The following DNAH2 variants were observed in gnomAD, a reference collection of about 807,000 sequenced individuals.
The protein encoded by DNAH2 is axonemal beta dynein heavy chain 2.
A neutral mutation model predicts 523.5 loss-of-function variants in DNAH2; 323 were observed. The observed-to-expected ratio is 0.62, with a 90% CI of 0.56 to 0.68. The LOEUF is 0.68. Ranked by LOEUF, DNAH2 falls within the 30% of genes least tolerant of loss-of-function variation. The pLI is 0.00. For missense variants in DNAH2, 4,907 were observed against 5,701.5 expected (o/e 0.86, Z 4.49); for synonymous variants, 2,093 against 2,177.4 (o/e 0.96, Z 1.08).
At chr17:7,770,167 T>C (rs1206630610) in intron 24 of DNAH2, 85 bp from the exon 25 acceptor site, 7 of 1,477,346 alleles carry the variant, frequency 4.7e-6, no homozygotes, top group East Asian at 2.3e-5. Context: ...TTGGTAACTA[T>C]GCAGAATCAT....
intron 12 of DNAH2, among the ~76,000 whole-genome samples, chr17:7,756,661 T>C (rs1026649222): frequency 9.2e-5 from 14 of 152,036 alleles, no homozygotes; most frequent in African/African-American, 3.1e-4. Context: ...TGGGATATTT[T>C]CTATTATTTC....
In DNAH2 at chr17:7,792,005, A is replaced by G. The variant is rs758323084; in HGVS notation, c.6989A>G (p.Asp2330Gly). ...ATCTGGTCTGTGTGTGCCTCTGTGG[A>G]TGAGGAGGGCCGGAAGAGGATCGAC... ...SMIWSVCASV[D>G]EEGRKRIDSY... The change falls in exon 45 of 86, where the codon GAT becomes GGT. Residue 2330 changes from aspartate to glycine, a missense_variant. Transcript: ENST00000572933. 12 of 1,613,362 alleles carry G rather than the reference A, an allele frequency of 7.4e-6. No homozygotes were observed. Among genetic ancestry groups the G allele is most frequent in the Non-Finnish European group, 1.0e-5 (12 of 1,179,936 alleles).
rs772167636 is a variant in DNAH2, at chr17:7,740,917, G to A, written c.1614G>A (p.Glu538=). Residue 538 remains glutamate, a synonymous_variant, in exon 11 of 86, where the codon GAG becomes GAA. Coordinates refer to ENST00000572933, the MANE Select transcript of DNAH2 (RefSeq NM_020877.5). ...GGAACAAGAAATGGCCAGACCTGGAGCCCTACGTGGCCCAGTATTCCGGAA... is the reference window on the plus strand; with the variant it reads ...GGAACAAGAAATGGCCAGACCTGGAACCCTACGTGGCCCAGTATTCCGGAA... ...RERNKKWPDL[E]PYVAQYSGKA... 1.9e-6 allele frequency: 3 copies of A among 1,613,782 alleles called. No individual in the cohort carries two copies. In the South Asian group the frequency reaches 3.3e-5, roughly 18 times the overall value.
chr17:7,809,940 C>G (rs1245786623), intron 63 of DNAH2, among the ~76,000 whole-genome samples: 1 of 151,838 alleles, frequency 6.6e-6, no homozygotes, highest in Non-Finnish European at 1.5e-5. Context: ...ATTCCCATCT[C>G]AGTCTTACAA....
At position 7,780,145 on chromosome 17, in the gene DNAH2, A is replaced by G. The variant is rs2076563738; in HGVS notation, c.5723-12A>G. The G allele has an allele frequency of 6.2e-7, 1 of 1,602,334 alleles. No individual in the cohort carries two copies. The highest frequency in any genetic ancestry group is 8.5e-7 in the Non-Finnish European group (1 of 1,175,316). On this transcript the variant is annotated splice_polypyrimidine_tract_variant and intron_variant, in intron 36 of 85. Transcript: ENST00000572933. The surrounding 1 kb of genome is among the most constrained non-coding windows in gnomAD (Gnocchi z 4.4). ...AAATATATGATTCTAAGCAAGTGGCATTGTTTTCCAGGCTATGCTGGCCGC... is the reference window on the plus strand; with the variant it reads ...AAATATATGATTCTAAGCAAGTGGCGTTGTTTTCCAGGCTATGCTGGCCGC...
chr17:7,743,539 G>T (rs1567629273), intron 12 of DNAH2: 2 of 595,962 alleles, frequency 3.4e-6, no homozygotes, highest in African/African-American at 1.9e-5. Context: ...GGTGGCACAA[G>T]CCTGTAGTCT....
At chr17:7,775,908 C>T in intron 30 of DNAH2, 116 bp from the exon 31 acceptor site, 1 of 1,389,752 alleles carries the variant, frequency 7.2e-7, no homozygotes, top group Non-Finnish European at 9.7e-7. Context: ...GTTGGCCATT[C>T]CCGCTTTTCT....
intron 12 of DNAH2, among the ~76,000 whole-genome samples, chr17:7,746,054 A>G (rs2075510062): frequency 6.6e-6 from 1 of 152,234 alleles, no homozygotes; most frequent in Non-Finnish European, 1.5e-5. Context: ...ACTCACGCAA[A>G]GGTCCTCACA....
At chr17:7,770,439 C>G (rs766741291) in intron 25 of DNAH2, 31 bp downstream of exon 25, 13 of 1,611,208 alleles carry the variant, frequency 8.1e-6, no homozygotes, top group South Asian at 6.6e-5. Context: ...GCTCCCACAC[C>G]TCCTGCGCCT....
In DNAH2 at chr17:7,821,553, C is replaced by T. The variant is rs2077855646; in HGVS notation, c.11142+184C>T. ...GGCTGCGGAGGTGACTTGCCATGCA[C>T]CCCCTTGCACTCAGCGCAGGCTGGG... is the stretch of plus-strand genomic sequence containing the variant. On this transcript the variant is annotated intron_variant, in intron 73 of 85. Coordinates refer to ENST00000572933, the MANE Select transcript of DNAH2 (RefSeq NM_020877.5). The surrounding 1 kb of genome is among the most constrained non-coding windows in gnomAD (Gnocchi z 5.0). 6.6e-6 allele frequency among the ~76,000 whole-genome samples: 1 copy of T among 152,142 alleles called. No individual in the cohort carries two copies. The highest frequency in any genetic ancestry group is 1.5e-5 in the Non-Finnish European group (1 of 68,032).
chr17:7,759,166 C>T lies in DNAH2; in HGVS notation c.2448+42C>T, dbSNP rs757648073. 6.2e-6 allele frequency: 10 copies of T among 1,608,654 alleles called. No homozygotes were observed. In the African/African-American group the frequency reaches 9.4e-5, roughly 15 times the overall value. ...CAGGATGTTGTGGTTGGAAAAACCA[C>T]AGTCCCCCAGTTCCATCAGGCCATT... On this transcript the variant is annotated intron_variant, in intron 15 of 85. Coordinates refer to ENST00000572933, the MANE Select transcript of DNAH2 (RefSeq NM_020877.5).
At chr17:7,727,351 T>C in intron 4 of DNAH2, 59 bp downstream of exon 4, 3 of 1,560,330 alleles carry the variant, frequency 1.9e-6, no homozygotes, top group Non-Finnish European at 2.6e-6. Context: ...GGGCTCTCAG[T>C]TCCTTCATCA....
Position 7,821,302 on chromosome 17 carries a change from C to T in DNAH2, c.11075C>T (p.Ala3692Val), listed in dbSNP as rs1182828120. Residue 3692 changes from alanine (A) to valine (V), a missense_variant, in exon 73 of 86, where the codon GCC becomes GTC. Around this residue, in one of 3 missense-constraint regions of DNAH2, gnomAD observed 1,851 missense variants for 2,139.4 expected, o/e 0.87. Transcript: ENST00000572933. This position sits in a 1 kb window ranked among gnomAD's most constrained non-coding sequence, Gnocchi z 5.0. Reference sequence around the variant, plus strand: ...CTACTATTCAGTTTTCATATGTGTGCCAAAATCTTGGAGACTTCTGGCAAG... The same window carrying T: ...CTACTATTCAGTTTTCATATGTGTGTCAAAATCTTGGAGACTTCTGGCAAG... ...HKLLFSFHMC[A>V]KILETSGKLN... 6.2e-7 allele frequency: 1 copy of T among 1,613,850 alleles called. No homozygotes were observed. The highest frequency in any genetic ancestry group is 8.5e-7 in the Non-Finnish European group (1 of 1,179,926).
intron 2 of DNAH2, among the ~76,000 whole-genome samples, chr17:7,721,401 T>C (rs979349351): frequency 2.0e-5 from 3 of 152,164 alleles, no homozygotes; most frequent in Non-Finnish European, 4.4e-5. Flanking sequence ...CTCGAACTCC[T>C]GTCCTCGAGT....
intron 12 of DNAH2, chr17:7,743,404 A>G (rs1209836987): frequency 1.4e-6 from 1 of 696,022 alleles, no homozygotes; most frequent in Non-Finnish European, 2.6e-6. Flanking sequence ...GGTGGCTCAC[A>G]CCTGTAATCC....
rs765551577 is a variant in DNAH2, at chr17:7,818,988, G to A, written c.10740G>A (p.Lys3580=). 2 of 1,611,618 alleles carry A rather than the reference G, an allele frequency of 1.2e-6. No homozygotes were observed. Among genetic ancestry groups the A allele is most frequent in the Non-Finnish European group, 1.7e-6 (2 of 1,179,976 alleles). ...TGGTGAACACGCTGCATACCTCCAA[G>A]ATCACAGCCACAGAGGTGACTGAGC... ...VQLVNTLHTS[K]ITATEVTEQL... Residue 3580 remains lysine, a synonymous_variant, in exon 71 of 86, where the codon AAG becomes AAA. Coordinates refer to ENST00000572933, the MANE Select transcript of DNAH2 (RefSeq NM_020877.5).
chr17:7,796,784 C>A, intron 50 of DNAH2, 132 bp downstream of exon 50: 1 of 1,049,302 alleles, frequency 9.5e-7, no homozygotes. Flanking sequence ...GCCACACTCC[C>A]TGGCCTTACC....
chr17:7,723,984 A>G (rs1391162638), intron 3 of DNAH2, among the ~76,000 whole-genome samples: 2 of 152,180 alleles, frequency 1.3e-5, no homozygotes, highest in African/African-American at 4.8e-5. Flanking sequence ...AACAAGTTGA[A>G]TGAGCTGGGA....
At chr17:7,793,534 CTTTT>C (rs2076978886) in intron 48 of DNAH2, among the ~76,000 whole-genome samples, 1 of 114,272 alleles carries the variant, frequency 8.8e-6, no homozygotes, top group Non-Finnish European at 2.0e-5. Flanking sequence ...CTCTTTCTTT[CTTTT>C]TCTTTCTTCT....
Sources: allele counts gnomAD v4.1 joint callset (sites outside exome capture counted in the v4.1 genomes callset), GRCh38; gene constraint gnomAD v4.1.1; regional missense constraint gnomAD v4.1.1; non-coding constraint Gnocchi (gnomAD v3.1); transcripts MANE v1.5; gene names NCBI Gene and HGNC (gene_info 2026-07-23, HGNC 2026-07-21).